DGKE: variants seen among roughly 807,000 people sequenced by gnomAD.
DGKE encodes DAG kinase epsilon.
In DGKE, 53 loss-of-function variants were observed where a neutral mutation model predicts 70.0. The ratio of observed to expected loss-of-function variants is 0.76; its 90% CI spans 0.61 to 0.95. The LOEUF is 0.95. DGKE is among the 40% of genes least tolerant of loss of function. The probability of loss-of-function intolerance (pLI) is 0.00; values close to 1 mark genes in which losing one functional copy is unlikely to be tolerated. For synonymous variants in DGKE, 291 were observed against 257.0 expected (o/e 1.13, Z -1.27); for missense variants, 655 against 706.9 (o/e 0.93, Z 0.83).
At position 56,849,379 on chromosome 17, in the gene DGKE, T is replaced by G. The variant is rs1907512705; in HGVS notation, c.1098+147T>G. On this transcript the variant is annotated intron_variant, in intron 7 of 11. Transcript: ENST00000284061. ...AAGCTTATATGCTTACCTCACAAGC[T>G]GGACTGTAAATGTGTTATGGGAGAG... 2.6e-5 allele frequency: 17 copies of G among 660,940 alleles called. No homozygotes were observed. In the South Asian group the frequency reaches 3.3e-4, roughly 13 times the overall value. 40.9% of individuals were successfully genotyped at this position (660,940 alleles called of 1,614,324 possible). A position where few individuals can be genotyped will look rare whatever the true frequency, so the allele number is the denominator to read the frequency against.
intron 7 of DGKE, among the ~76,000 whole-genome samples, chr17:56,853,342 T>C (rs1452398944): frequency 6.6e-6 from 1 of 152,246 alleles, no homozygotes; most frequent in Non-Finnish European, 1.5e-5. Flanking sequence ...GCTTTTGAGA[T>C]CATATCAAAC....
intron 2 of DGKE, among the ~76,000 whole-genome samples, chr17:56,836,762 T>C (rs904051984): frequency 1.3e-5 from 2 of 152,250 alleles, no homozygotes; most frequent in Non-Finnish European, 2.9e-5. Context: ...CTTTCTGGCC[T>C]CTGTCCTTTT....
At chr17:56,856,664 AG>A in intron 8 of DGKE, 39 bp downstream of exon 8, 1 of 1,575,870 alleles carries the variant, frequency 6.3e-7, no homozygotes, top group Non-Finnish European at 8.6e-7. Flanking sequence ...TTATCACCGA[AG>A]GTACAGTAAA....
chr17:56,850,632 C>T (rs1319036828), intron 7 of DGKE, among the ~76,000 whole-genome samples: 1 of 152,166 alleles, frequency 6.6e-6, no homozygotes, highest in Non-Finnish European at 1.5e-5. Context: ...TCTGCTTCTC[C>T]ATCTCCTTGC....
intron 8 of DGKE, 95 bp downstream of exon 8, chr17:56,856,720 A>G: frequency 7.1e-7 from 1 of 1,407,638 alleles, no homozygotes; most frequent in South Asian, 1.5e-5. Flanking sequence ...TTCAGATTTA[A>G]CTAACTTACA....
chr17:56,844,686 T>C (rs1907181584), intron 3 of DGKE, among the ~76,000 whole-genome samples: 1 of 152,164 alleles, frequency 6.6e-6, no homozygotes, highest in African/African-American at 2.4e-5. Context: ...TTTTGAACTT[T>C]ATACAGGGTC....
chr17:56,840,751 G>A (rs1356046751), intron 2 of DGKE, among the ~76,000 whole-genome samples: 1 of 152,100 alleles, frequency 6.6e-6, no homozygotes, highest in Non-Finnish European at 1.5e-5. Flanking sequence ...AGGTTAAGAA[G>A]CACTGAATTA....
At position 56,866,583 on chromosome 17, in the gene DGKE, G is replaced by A. The variant is rs1908533682; in HGVS notation, c.*3792G>A. ...GTATCATACCCAAATTGATATATTTGTCTGAACTCTGTTACATAAAAATTG... is the reference window on the plus strand; with the variant it reads ...GTATCATACCCAAATTGATATATTTATCTGAACTCTGTTACATAAAAATTG... On this transcript the variant is annotated 3_prime_UTR_variant, in exon 12 of 12. Coordinates refer to ENST00000284061, the MANE Select transcript of DGKE (RefSeq NM_003647.3). The A allele has an allele frequency of 6.6e-6, 1 of 152,304 alleles. No homozygotes were observed. Among genetic ancestry groups the A allele is most frequent in the South Asian group, 2.1e-4 (1 of 4,822 alleles). The allele number at this position is 152,304 out of a possible 1,614,324, so 9.4% of individuals were successfully genotyped here.
chr17:56,849,282 G>A, intron 7 of DGKE, 50 bp downstream of exon 7: 1 of 1,525,446 alleles, frequency 6.6e-7, no homozygotes, highest in South Asian at 1.2e-5. Context: ...CATTGCACAA[G>A]ATACGGCACT....
At chr17:56,855,604 A>G (rs564598406) in intron 7 of DGKE, among the ~76,000 whole-genome samples, 86 of 152,348 alleles carry the variant, frequency 5.6e-4, no homozygotes, top group African/African-American at 1.8e-3. Context: ...GTGTCCAGCC[A>G]TCCTTAGAAA....
intron 9 of DGKE, among the ~76,000 whole-genome samples, chr17:56,860,989 G>A (rs1411739529): frequency 1.3e-5 from 2 of 152,198 alleles, no homozygotes; most frequent in Admixed American, 1.3e-4. Flanking sequence ...TGACATATTT[G>A]CATTTTTTAA....
chr17:56,852,113 A>G (rs957100853), intron 7 of DGKE, among the ~76,000 whole-genome samples: 3 of 152,166 alleles, frequency 2.0e-5, no homozygotes, highest in Admixed American at 6.5e-5. Context: ...AACATTTAAA[A>G]TTTAAAAATC....
intron 2 of DGKE, among the ~76,000 whole-genome samples, chr17:56,839,350 T>C (rs181262236): frequency 6.6e-6 from 1 of 152,308 alleles, no homozygotes; most frequent in African/African-American, 2.4e-5. Flanking sequence ...AATGACATGA[T>C]GCTAAAGCTG....
chr17:56,862,472 T>A, intron 11 of DGKE, 140 bp from the exon 12 acceptor site: 1 of 933,404 alleles, frequency 1.1e-6, no homozygotes, highest in Non-Finnish European at 1.5e-6. Flanking sequence ...CCTTAATCAA[T>A]GAATAAAAAC....
At chr17:56,848,503 T>A (rs1698277187) in intron 5 of DGKE, among the ~76,000 whole-genome samples, 193 bp from the exon 6 acceptor site, 2 of 152,326 alleles carry the variant, frequency 1.3e-5, no homozygotes, top group African/African-American at 2.4e-5. Context: ...TGCAGATGAA[T>A]ATTAGACATT....
chr17:56,851,644 G>A (rs557596811), intron 7 of DGKE, among the ~76,000 whole-genome samples: 1 of 152,246 alleles, frequency 6.6e-6, no homozygotes, highest in East Asian at 1.9e-4. Context: ...AAGGATTGGA[G>A]GCACAAACAA....
Position 56,864,212 on chromosome 17 carries a change from T to A in DGKE, c.*1421T>A, listed in dbSNP as rs1013121392. The stretch of plus-strand genomic sequence containing the variant: ...CACAGGTCGGCTGACCCAGAGGGCA[T>A]CCAGCCTGGTGTTTTTCTGACACAT... On this transcript the variant is annotated 3_prime_UTR_variant, in exon 12 of 12. Coordinates refer to ENST00000284061, the MANE Select transcript of DGKE (RefSeq NM_003647.3). 6.6e-6 allele frequency: 1 copy of A among 152,232 alleles called. No individual in the cohort carries two copies. The highest frequency in any genetic ancestry group is 2.4e-5 in the African/African-American group (1 of 41,458). 9.4% of individuals were successfully genotyped at this position (152,232 alleles called of 1,614,324 possible).
intron 2 of DGKE, among the ~76,000 whole-genome samples, chr17:56,838,247 T>C (rs540244210): frequency 3.9e-5 from 6 of 152,356 alleles, no homozygotes; most frequent in Admixed American, 2.0e-4. Context: ...GTGTAACTAG[T>C]CTCAGCTTTG....
At chr17:56,859,771 T>G (rs1286476428) in intron 9 of DGKE, among the ~76,000 whole-genome samples, 4 of 152,154 alleles carry the variant, frequency 2.6e-5, no homozygotes, top group Admixed American at 6.5e-5. Context: ...GAATCTGTAA[T>G]GGTTAATAGC....
Sources: allele counts gnomAD v4.1 joint callset (sites outside exome capture counted in the v4.1 genomes callset), GRCh38; gene constraint gnomAD v4.1.1; transcripts MANE v1.5; gene names NCBI Gene and HGNC (gene_info 2026-07-23, HGNC 2026-07-21).